Variants in SOS1 observed in about 807,000 individuals in gnomAD.
SOS1 encodes the protein son of sevenless homolog 1.
A neutral mutation model predicts 157.6 loss-of-function variants in SOS1; 25 were observed. The ratio of observed to expected loss-of-function variants is 0.16; its 90% CI spans 0.12 to 0.22. The LOEUF is 0.22. SOS1 is among the 10% of genes least tolerant of loss of function. The pLI is 1.00. For missense variants in SOS1, 1,237 were observed against 1,599.1 expected, an observed-to-expected ratio of 0.77 and a Z score of 3.86; for synonymous variants, 528 against 534.0, an observed-to-expected ratio of 0.99 and a Z score of 0.16.
intron 6 of SOS1, among the ~76,000 whole-genome samples, chr2:39,049,025 C>G (rs541910893): frequency 6.6e-6 from 1 of 152,218 alleles, no homozygotes; most frequent in South Asian, 2.1e-4. Flanking sequence ...TCAAGTGATT[C>G]TCCTGCCTCA....
At chr2:39,107,003 A>G (rs919130143) in intron 1 of SOS1, among the ~76,000 whole-genome samples, 2 of 152,230 alleles carry the variant, frequency 1.3e-5, no homozygotes, top group Non-Finnish European at 2.9e-5. Context: ...TTATATGATT[A>G]GCTACTGAAG....
At chr2:39,062,879 A>G (rs1671458382) in intron 2 of SOS1, among the ~76,000 whole-genome samples, 1 of 152,044 alleles carries the variant, frequency 6.6e-6, no homozygotes, top group Non-Finnish European at 1.5e-5. Context: ...TAAAAGAGGG[A>G]AAGAAATAGA....
At chr2:39,018,566 T>A (rs908271604) in intron 10 of SOS1, among the ~76,000 whole-genome samples, 2 of 151,862 alleles carry the variant, frequency 1.3e-5, no homozygotes, top group African/African-American at 4.8e-5. Flanking sequence ...TTCAAAATTT[T>A]AGGAACTCAG....
intron 5 of SOS1, among the ~76,000 whole-genome samples, chr2:39,053,097 G>A (rs919902329): frequency 1.3e-5 from 2 of 152,088 alleles, no homozygotes; most frequent in African/African-American, 4.8e-5. Context: ...AGGTTACAGT[G>A]AGCCAAGATC....
chr2:38,987,640 A>G (rs527859438), intron 21 of SOS1, 49 bp from the exon 22 acceptor site: 1 of 895,262 alleles, frequency 1.1e-6, no homozygotes, highest in Admixed American at 1.9e-5. Flanking sequence ...ATTTTATTTC[A>G]TTTATTTACC....
In SOS1 at chr2:38,990,887, T is replaced by C. The variant is rs191296803; in HGVS notation, c.3347-1573A>G. On this transcript the variant is annotated intron_variant, in intron 20 of 22. Transcript: ENST00000402219. ...TTACATGCACTAATCAAGAAATATA[T>C]GCTAGAAATTCTTGTCAGTTAGATA... Among the ~76,000 whole-genome samples, 606 of 152,250 alleles carry C rather than the reference T, an allele frequency of 4.0e-3. 7 individuals are homozygous for C. Among genetic ancestry groups the C allele is most frequent in the African/African-American group, 0.014 (584 of 41,572 alleles).
At chr2:39,100,243 T>C (rs1419246701) in intron 1 of SOS1, among the ~76,000 whole-genome samples, 1 of 152,196 alleles carries the variant, frequency 6.6e-6, no homozygotes, top group Admixed American at 6.5e-5. Context: ...ACAGCCATTA[T>C]GGAAAACAGT....
intron 14 of SOS1, 35 bp downstream of exon 14, chr2:39,012,091 A>T: frequency 1.4e-6 from 2 of 1,446,020 alleles, no homozygotes; most frequent in Non-Finnish European, 1.9e-6. Context: ...AACTCTTTTG[A>T]AATGACTTTT....
intron 3 of SOS1, among the ~76,000 whole-genome samples, chr2:39,058,237 G>A (rs553091927): frequency 6.6e-6 from 1 of 152,112 alleles, no homozygotes; most frequent in African/African-American, 2.4e-5. Context: ...AAGTAGGACT[G>A]GAGAGTTTAG....
chr2:39,077,980 C>T (rs901148662), intron 1 of SOS1, among the ~76,000 whole-genome samples: 6 of 152,082 alleles, frequency 3.9e-5, no homozygotes, highest in Non-Finnish European at 2.9e-5. Context: ...GCTTAATCAA[C>T]ATATCACAAA....
rs1673835954 is a variant in SOS1 at position 39,120,516 on chromosome 2, G to A, written c.-94C>T. 1 of 1,178,420 alleles carries A rather than the reference G, an allele frequency of 8.5e-7. No homozygotes were observed. Among genetic ancestry groups the A allele is most frequent in the African/African-American group, 1.6e-5 (1 of 61,690 alleles). 73.0% of individuals were successfully genotyped at this position (1,178,420 alleles called of 1,614,324 possible). A position where few individuals can be genotyped will look rare whatever the true frequency, so the allele number is the denominator to read the frequency against. On this transcript the variant is annotated 5_prime_UTR_variant, in exon 1 of 23. Transcript: ENST00000402219. The stretch of plus-strand genomic sequence containing the variant: ...CGAGCTCGCAGCGCGGAACAGGGCC[G>A]CGGCCCCACCGGACGGCCCGGCCCC...
intron 10 of SOS1, among the ~76,000 whole-genome samples, chr2:39,016,521 C>T (rs1314215693): frequency 6.6e-6 from 1 of 152,020 alleles, no homozygotes; most frequent in Admixed American, 6.6e-5. Flanking sequence ...ACAATCTTCC[C>T]TTTCAAGAAT....
In SOS1 at chr2:39,105,368, C is replaced by G. The variant is rs761908290; in HGVS notation, c.87+14968G>C. On this transcript the variant is annotated intron_variant, in intron 1 of 22. Transcript: ENST00000402219. ...TCAAACTCCTGGCCTCAAGCTGGTA[C>G]AGCATCCTAAAGTGCTGGGATTACA... Among the ~76,000 whole-genome samples the G allele has an allele frequency of 2.0e-5, 3 of 151,462 alleles. No individual in the cohort carries two copies. The East Asian group carries it at 5.8e-4, about 29-fold the overall frequency.
rs139080582 is a variant in SOS1 at position 38,985,217 on chromosome 2, A to T, written c.*607T>A. The T allele has an allele frequency of 6.5e-6, 1 of 153,032 alleles. No individual in the cohort carries two copies. Among genetic ancestry groups the T allele is most frequent in the East Asian group, 1.9e-4 (1 of 5,182 alleles). 9.5% of individuals were successfully genotyped at this position (153,032 alleles called of 1,614,324 possible). ...AAAACAACAACAACAACAAAAAAGT[A>T]CCTCTTTGGTGAAGCCTCGGTACCC... is the stretch of plus-strand genomic sequence containing the variant. On this transcript the variant is annotated 3_prime_UTR_variant, in exon 23 of 23. Transcript: ENST00000402219.
chr2:39,052,042 T>C (rs1671035479), intron 5 of SOS1, among the ~76,000 whole-genome samples: 1 of 152,170 alleles, frequency 6.6e-6, no homozygotes, highest in Non-Finnish European at 1.5e-5. Flanking sequence ...GGTGGATACC[T>C]AAATACCCAG....
At chr2:39,056,315 G>C (rs1671208994) in intron 4 of SOS1, among the ~76,000 whole-genome samples, 1 of 152,100 alleles carries the variant, frequency 6.6e-6, no homozygotes, top group Non-Finnish European at 1.5e-5. Context: ...TACTCAGGAG[G>C]CTGAGGCAGG....
chr2:39,104,796 T>A (rs550669249), intron 1 of SOS1, among the ~76,000 whole-genome samples: 3 of 152,256 alleles, frequency 2.0e-5, no homozygotes, highest in African/African-American at 7.2e-5. Flanking sequence ...TTATACTAAA[T>A]GAAAGTAGTC....
At chr2:39,110,268 T>C (rs1371998743) in intron 1 of SOS1, among the ~76,000 whole-genome samples, 3 of 152,160 alleles carry the variant, frequency 2.0e-5, no homozygotes, top group Non-Finnish European at 4.4e-5. Context: ...ACTAATACTA[T>C]GTAAATAGTT....
intron 1 of SOS1, among the ~76,000 whole-genome samples, chr2:39,106,652 C>T (rs1252429949): frequency 8.9e-5 from 13 of 146,592 alleles, no homozygotes; most frequent in African/African-American, 1.4e-4. Context: ...AAAACCAAAT[C>T]TTTAAATTAC....
Sources: gnomAD v4.1 joint callset for allele counts (sites outside exome capture counted in the v4.1 genomes callset) on GRCh38, gnomAD v4.1.1 for gene constraint, MANE v1.5 for transcripts, NCBI Gene and HGNC (gene_info 2026-07-23, HGNC 2026-07-21) for gene names.